GGN: variants seen among roughly 807,000 people sequenced by gnomAD.
GGN encodes gametogenetin.
Under a neutral mutation model 35.5 loss-of-function variants are expected in GGN, and 27 were observed. That is an observed-to-expected ratio of 0.76 (90% CI 0.56 to 1.05). The LOEUF is 1.05. GGN is among the 50% of genes least tolerant of loss of function. The pLI, the probability that GGN is intolerant of heterozygous loss-of-function variation, is 0.00. For synonymous variants in GGN, 425 were observed against 444.1 expected, an observed-to-expected ratio of 0.96 and a Z score of 0.54; for missense variants, 1,006 against 940.7, an observed-to-expected ratio of 1.07 and a Z score of -0.91.
Position 38,386,445 on chromosome 19 carries a change from C to G in GGN, c.817G>C (p.Gly273Arg). ...CCTGAGGCAGCAAAGAGGCCGCCGC[C>G]TCCGCCGCCCCCCAGCGAAGCTTTG... is the stretch of plus-strand genomic sequence containing the variant. ...AAKASLGGGGGGGLFAASGAI... is the reference protein window; with the variant it reads ...AAKASLGGGGRGGLFAASGAI... Residue 273 changes from glycine to arginine, a missense_variant, in exon 3 of 4, where the codon GGC becomes CGC. Gly to Arg is a moderately radical substitution (Grantham distance 125). Coordinates refer to ENST00000334928, the MANE Select transcript of GGN (RefSeq NM_152657.4). 1 of 1,612,850 alleles carries G rather than the reference C, an allele frequency of 6.2e-7. No individual in the cohort carries two copies. Among genetic ancestry groups the G allele is most frequent in the South Asian group, 1.1e-5 (1 of 91,088 alleles).
rs1158655228 is a variant in GGN, at chr19:38,386,521, G to A, written c.741C>T (p.Phe247=). 1.9e-6 allele frequency: 3 copies of A among 1,613,136 alleles called. No homozygotes were observed. The Admixed American group carries it at 5.0e-5, about 27-fold the overall frequency. Residue 247 remains phenylalanine, a synonymous_variant, in exon 3 of 4, where the codon TTC becomes TTT. Transcript: ENST00000334928. ...SGLSLLCKIT[F]KSRPSLAPPA... ...GAGGGGCCAAAGAGGGCCTCGACTT[G>A]AAGGTGATTTTACACAGCAGGCTCA...
rs1257365310 is a variant in GGN at position 38,386,577 on chromosome 19, T to C, written c.685A>G (p.Met229Val). The C allele has an allele frequency of 6.2e-7, 1 of 1,613,590 alleles. No homozygotes were observed. Among genetic ancestry groups the C allele is most frequent in the South Asian group, 1.1e-5 (1 of 91,088 alleles). The stretch of plus-strand genomic sequence containing the variant: ...GACTCGGAATCCGCAGGCTGGGCCA[T>C]TTCGCCTTCGCCCGCATGGGGAGGC... ...GAPPHAGEGE[M>V]AQPADSESGL... The change falls in exon 3 of 4, where the codon ATG (methionine) becomes GTG (valine). Residue 229 changes from methionine (M) to valine (V), a missense_variant. Coordinates refer to ENST00000334928, the MANE Select transcript of GGN (RefSeq NM_152657.4).
In GGN at chr19:38,385,840, T is replaced by C. The variant is rs1970705741; in HGVS notation, c.1422A>G (p.Ser474=). Residue 474 remains serine, a synonymous_variant, in exon 3 of 4, where the codon TCA becomes TCG. Coordinates refer to ENST00000334928, the MANE Select transcript of GGN (RefSeq NM_152657.4). ...CAGGGGCTGCGGTGGGAGCCAGGGCTGACTCCTTGTGGCCCAGACCCGGGG... is the reference window on the plus strand; with the variant it reads ...CAGGGGCTGCGGTGGGAGCCAGGGCCGACTCCTTGTGGCCCAGACCCGGGG... ...PLTPGLGHKE[S]ALAPTAAPAL... The C allele has an allele frequency of 1.3e-6, 2 of 1,541,126 alleles. No individual in the cohort carries two copies. The highest frequency in any genetic ancestry group is 1.7e-6 in the Non-Finnish European group (2 of 1,147,642).
rs1194478230 is a variant in GGN, at chr19:38,387,496, A to G, written c.-19-216T>C. On this transcript the variant is annotated intron_variant, in intron 2 of 3. Transcript: ENST00000334928. This position sits in a 1 kb window ranked among gnomAD's most constrained non-coding sequence, Gnocchi z 5.3. ...ACAGCTGCTGTTAAGATACTTCACT[A>G]CCAGCCCCATTATGTACTAAGGTTC... Among the ~76,000 whole-genome samples, 1 of 151,826 alleles carries G rather than the reference A, an allele frequency of 6.6e-6. No homozygotes were observed. Among genetic ancestry groups the G allele is most frequent in the Non-Finnish European group, 1.5e-5 (1 of 67,948 alleles).
In GGN at chr19:38,387,040, G is replaced by T; in HGVS notation, c.222C>A (p.Pro74=). The change falls in exon 3 of 4, where the codon CCC becomes CCA. Residue 74 remains proline (P), a synonymous_variant. Coordinates refer to ENST00000334928, the MANE Select transcript of GGN (RefSeq NM_152657.4). The surrounding 1 kb of genome is among the most constrained non-coding windows in gnomAD (Gnocchi z 5.3). ...REPQASPSTL[P]LTLERPSPVM... ...CTGGAGAGGGCCGTTCTAAGGTGAG[G>T]GGCAGGGTCGAGGGTGAGGCCTGGG... is the stretch of plus-strand genomic sequence containing the variant. The T allele has an allele frequency of 6.4e-7, 1 of 1,555,014 alleles. No homozygotes were observed. Among genetic ancestry groups the T allele is most frequent in the Non-Finnish European group, 8.7e-7 (1 of 1,149,184 alleles).
intron 3 of GGN, 69 bp downstream of exon 3, chr19:38,385,352 A>G (rs1411143321): frequency 3.8e-6 from 6 of 1,599,824 alleles, no homozygotes; most frequent in Non-Finnish European, 5.1e-6. Context: ...TCAGGAAGCC[A>G]AAGGGCTGAG....
At position 38,387,058 on chromosome 19, in the gene GGN, G is replaced by C; in HGVS notation, c.204C>G (p.Ala68=). The C allele has an allele frequency of 6.4e-7, 1 of 1,558,062 alleles. No homozygotes were observed. The highest frequency in any genetic ancestry group is 1.2e-5 in the South Asian group (1 of 84,490). The stretch of plus-strand genomic sequence containing the variant: ...AGGTGAGGGGCAGGGTCGAGGGTGA[G>C]GCCTGGGGCTCCCGGGGTACCATGA... ...PGLMVPREPQ[A]SPSTLPLTLE... The change falls in exon 3 of 4, where the codon GCC becomes GCG. Residue 68 remains alanine (A), a synonymous_variant. Coordinates refer to ENST00000334928, the MANE Select transcript of GGN (RefSeq NM_152657.4). The surrounding 1 kb of genome is among the most constrained non-coding windows in gnomAD (Gnocchi z 5.3).
chr19:38,384,303 T>C lies in GGN; in HGVS notation c.*109A>G. 7 of 795,886 alleles carry C rather than the reference T, an allele frequency of 8.8e-6. No individual in the cohort carries two copies. Among genetic ancestry groups the C allele is most frequent in the Admixed American group, 3.7e-5 (2 of 53,398 alleles). The allele number at this position is 795,886 out of a possible 1,614,324, so 49.3% of individuals were successfully genotyped here. On this transcript the variant is annotated 3_prime_UTR_variant, in exon 4 of 4. Transcript: ENST00000334928. ...ATGTGCTTTAATGGCGATCCTGCCC[T>C]GCTGCACCCTACCCACTGCCTTGGC... is the stretch of plus-strand genomic sequence containing the variant.
chr19:38,385,929 G>A lies in GGN; in HGVS notation c.1333C>T (p.Pro445Ser). Residue 445 changes from proline (P) to serine (S), a missense_variant, in exon 3 of 4, where the codon CCG (proline) becomes TCG (serine). Physicochemically the swap from Pro to Ser is moderately conservative, Grantham distance 74. Transcript: ENST00000334928. ...GCTGGTGGCTGCAGTGTGGGCGGCG[G>A]TGTGGGCGGTGGCAGCGGTGGTAAC... Reference protein sequence around the residue: ...QELPPLPPPTPPPTLQPPALQ... With the variant: ...QELPPLPPPTSPPTLQPPALQ... The A allele has an allele frequency of 6.3e-7, 1 of 1,582,108 alleles. No individual in the cohort carries two copies. The highest frequency in any genetic ancestry group is 2.3e-5 in the East Asian group (1 of 43,022).
rs1006761366 is a variant in GGN at position 38,387,228 on chromosome 19, C to A, written c.34G>T (p.Gly12Trp). Reference protein sequence around the residue: ...GNLQSEPSAGGGSRKVQPSDR... With the variant: ...GNLQSEPSAGWGSRKVQPSDR... ...GAGGGCTGCACTTTTCGGGAGCCCC[C>A]GCCCGCGGATGGCTCCGACTGCAAG... Residue 12 changes from glycine to tryptophan, a missense_variant, in exon 3 of 4, where the codon GGG (glycine) becomes TGG (tryptophan). Gly to Trp is a radical substitution (Grantham distance 184). Transcript: ENST00000334928. This position sits in a 1 kb window ranked among gnomAD's most constrained non-coding sequence, Gnocchi z 5.3. The A allele has an allele frequency of 6.3e-7, 1 of 1,595,346 alleles. No homozygotes were observed. Among genetic ancestry groups the A allele is most frequent in the South Asian group, 1.1e-5 (1 of 88,506 alleles).
chr19:38,384,603 C>T (rs1216853531), intron 3 of GGN, 74 bp from the exon 4 acceptor site: 6 of 1,089,138 alleles, frequency 5.5e-6, no homozygotes, highest in Non-Finnish European at 8.4e-6. Context: ...GCCTCCCTGT[C>T]CCCATATGAA....
At position 38,386,138 on chromosome 19, in the gene GGN, G is replaced by A. The variant is rs754767118; in HGVS notation, c.1124C>T (p.Ala375Val). The A allele has an allele frequency of 1.9e-6, 3 of 1,580,928 alleles. No homozygotes were observed. The highest frequency in any genetic ancestry group is 2.6e-6 in the Non-Finnish European group (3 of 1,168,438). ...RFNGAGGGIGAPRRRAAALSG... is the reference protein window; with the variant it reads ...RFNGAGGGIGVPRRRAAALSG... ...GAGTGCGGCCGCACGCCGTCGCGGCGCCCCGATGCCTCCGCCAGCCCCGTT... is the reference window on the plus strand; with the variant it reads ...GAGTGCGGCCGCACGCCGTCGCGGCACCCCGATGCCTCCGCCAGCCCCGTT... Residue 375 changes from alanine to valine, a missense_variant, in exon 3 of 4, where the codon GCG becomes GTG. Coordinates refer to ENST00000334928, the MANE Select transcript of GGN (RefSeq NM_152657.4).
chr19:38,385,289 G>A (rs989808300), intron 3 of GGN, 132 bp downstream of exon 3: 4 of 1,237,158 alleles, frequency 3.2e-6, no homozygotes, highest in Non-Finnish European at 4.5e-6. Context: ...AAGGGTGGGA[G>A]CTCAGCTAGG....
Position 38,385,405 on chromosome 19 carries a change from C to T in GGN, c.1841+16G>A. Reference sequence around the variant, plus strand: ...GTCTGGGGTTCGGCACCCTCCTGTCCCTTCTCCCCTCTCACCAGGCAGAGA... The same window carrying T: ...GTCTGGGGTTCGGCACCCTCCTGTCTCTTCTCCCCTCTCACCAGGCAGAGA... On this transcript the variant is annotated intron_variant, in intron 3 of 3. Transcript: ENST00000334928. The T allele has an allele frequency of 6.2e-7, 1 of 1,613,272 alleles. No homozygotes were observed. The highest frequency in any genetic ancestry group is 8.5e-7 in the Non-Finnish European group (1 of 1,180,020).
In GGN at chr19:38,386,181, C is replaced by T; in HGVS notation, c.1081G>A (p.Glu361Lys). 1 of 1,599,278 alleles carries T rather than the reference C, an allele frequency of 6.3e-7. No individual in the cohort carries two copies. Among genetic ancestry groups the T allele is most frequent in the African/African-American group, 1.3e-5 (1 of 74,938 alleles). Residue 361 changes from glutamate to lysine, a missense_variant, in exon 3 of 4, where the codon GAA becomes AAA. Glu to Lys is a moderately conservative substitution (Grantham distance 56, BLOSUM62 1). Transcript: ENST00000334928. ...FDWVSAPDGP[E>K]RHFRFNGAGG... The stretch of plus-strand genomic sequence containing the variant: ...GCCCCGTTGAAGCGGAAGTGGCGTT[C>T]AGGGCCGTCGGGAGCGCTAACCCAG...
chr19:38,385,996 G>A lies in GGN; in HGVS notation c.1266C>T (p.Thr422=). ...APPTFIFPAP[T]NGEPMRPGPP... ...GCCCCGGGCGCATGGGCTCGCCATT[G>A]GTGGGTGCTGGGAAGATGAACGTAG... The change falls in exon 3 of 4, where the codon ACC becomes ACT. Residue 422 remains threonine (T), a synonymous_variant. Transcript: ENST00000334928. The A allele has an allele frequency of 5.6e-6, 9 of 1,607,874 alleles. No homozygotes were observed. The highest frequency in any genetic ancestry group is 6.8e-6 in the Non-Finnish European group (8 of 1,177,292).
At chr19:38,385,284 T>G in intron 3 of GGN, 137 bp downstream of exon 3, 2 of 1,183,290 alleles carry the variant, frequency 1.7e-6, no homozygotes, top group Non-Finnish European at 2.4e-6. Context: ...TCCTGAAGGG[T>G]GGGAGCTCAG....
At chr19:38,384,677 A>T (rs1274432583) in intron 3 of GGN, 148 bp from the exon 4 acceptor site, 1 of 621,222 alleles carries the variant, frequency 1.6e-6, no homozygotes, top group African/African-American at 1.8e-5. Context: ...GGCTGTGGCC[A>T]CTTAATAGGA....
At position 38,386,472 on chromosome 19, in the gene GGN, C is replaced by G. The variant is rs929838862; in HGVS notation, c.790G>C (p.Ala264Pro). ...APPAASSSLA[A>P]KASLGGGGGG... is the part of the protein sequence containing the mutation. ...CCGCCGCCCCCCAGCGAAGCTTTGG[C>G]TGCTAAGGAACTCGAGGCTGCCGGA... The change falls in exon 3 of 4, where the codon GCC becomes CCC. Residue 264 changes from alanine to proline, a missense_variant. By Grantham distance (27) the Ala-to-Pro change is conservative (BLOSUM62 -1). Coordinates refer to ENST00000334928, the MANE Select transcript of GGN (RefSeq NM_152657.4). 5.0e-6 allele frequency: 8 copies of G among 1,612,816 alleles called. No individual in the cohort carries two copies. The African/African-American group carries it at 1.1e-4, about 22-fold the overall frequency.
Sources: gnomAD v4.1 joint callset for allele counts (sites outside exome capture counted in the v4.1 genomes callset) on GRCh38, gnomAD v4.1.1 for gene constraint, Gnocchi (gnomAD v3.1) non-coding constraint, MANE v1.5 for transcripts, NCBI Gene and HGNC (gene_info 2026-07-23, HGNC 2026-07-21) for gene names.